PHF12: variants seen among roughly 807,000 people sequenced by gnomAD.
The protein encoded by PHF12 is PHD factor 1.
In PHF12, 6 loss-of-function variants were observed where a neutral mutation model predicts 99.8. The ratio of observed to expected loss-of-function variants is 0.06; its 90% CI spans 0.03 to 0.12. The LOEUF (loss-of-function observed/expected upper bound fraction) is 0.12, where lower values mean the gene tolerates loss of function less well. Among genes scored for constraint, PHF12 ranks in the 10% least tolerant of loss-of-function variants. The pLI, the probability that PHF12 is intolerant of heterozygous loss-of-function variation, is 1.00. For missense variants in PHF12, 954 were observed against 1,300.1 expected (o/e 0.73, Z 4.09); for synonymous variants, 480 against 514.9 (o/e 0.93, Z 0.92).
Position 28,931,256 on chromosome 17 carries a change from C to CTT in PHF12, c.249-4195_249-4194dup, listed in dbSNP as rs34710675. 2.7e-3 allele frequency among the ~76,000 whole-genome samples: 348 copies of CTT among 127,524 alleles called. 1 individual carries two copies. Among genetic ancestry groups the CTT allele is most frequent in the African/African-American group, 9.3e-3 (326 of 34,946 alleles). The allele number at this position is 127,524 out of a possible 152,430, so 83.7% of individuals were successfully genotyped here. A position where few individuals can be genotyped will look rare whatever the true frequency, so the allele number is the denominator to read the frequency against. ...ATTTAAAAGACTGAGGCCATCATTC[C>CTT]TTTTTTTTTTTTTTTTTGAGACGGA... On this transcript the variant is annotated intron_variant, in intron 2 of 14. Transcript: ENST00000332830.
intron 4 of PHF12, among the ~76,000 whole-genome samples, chr17:28,922,340 T>C (rs1025418697): frequency 3.3e-5 from 5 of 152,164 alleles, no homozygotes; most frequent in African/African-American, 1.2e-4. Flanking sequence ...GCAATCCTCC[T>C]GCCTTGATCT....
At chr17:28,932,526 G>A (rs2040431929) in intron 2 of PHF12, among the ~76,000 whole-genome samples, 1 of 152,172 alleles carries the variant, frequency 6.6e-6, no homozygotes, top group Admixed American at 6.5e-5. Context: ...TCTGAAAGAG[G>A]CTGTTTTGCT....
chr17:28,948,561 C>T (rs1312114295), intron 2 of PHF12, among the ~76,000 whole-genome samples: 1 of 152,216 alleles, frequency 6.6e-6, no homozygotes, highest in Non-Finnish European at 1.5e-5. Context: ...GCAAAAGTAT[C>T]TTGGGAATGG....
At chr17:28,916,314 C>T (rs1366725100) in intron 7 of PHF12, among the ~76,000 whole-genome samples, 1 of 152,152 alleles carries the variant, frequency 6.6e-6, no homozygotes, top group Non-Finnish European at 1.5e-5. Context: ...CCTGCCTCAG[C>T]CTCCCGAGTA....
At chr17:28,931,889 G>T (rs2040416772) in intron 2 of PHF12, among the ~76,000 whole-genome samples, 1 of 151,910 alleles carries the variant, frequency 6.6e-6, no homozygotes, top group Non-Finnish European at 1.5e-5. Context: ...GCCAAGATTT[G>T]CTGCTTTCTT....
rs753213832 is a variant in PHF12, at chr17:28,912,880, C to T, written c.1691G>A (p.Arg564Gln). ...TAGTGGGGTGTTAGCGCCTGGAAGT[C>T]GCCGGGGGTCCGTGGAATCAGTAGG... ...SSPTDSTDPR[R>Q]LPGANTPLPG... The change falls in exon 9 of 15, where the codon CGA (arginine) becomes CAA (glutamine). Residue 564 changes from arginine to glutamine, a missense_variant. Physicochemically the swap from Arg to Gln is conservative, Grantham distance 43 (BLOSUM62 1). Transcript: ENST00000332830. 25 of 1,612,240 alleles carry T rather than the reference C, an allele frequency of 1.6e-5. No homozygotes were observed. The highest frequency in any genetic ancestry group is 1.6e-4 in the Middle Eastern group (1 of 6,078).
At chr17:28,930,687 A>C (rs2040383064) in intron 2 of PHF12, among the ~76,000 whole-genome samples, 1 of 152,052 alleles carries the variant, frequency 6.6e-6, no homozygotes, top group Non-Finnish European at 1.5e-5. Context: ...TCTTAACACA[A>C]GGTAAAATGC....
rs184238171 is a variant in PHF12, at chr17:28,919,917, C to G, written c.837-642G>C. Among the ~76,000 whole-genome samples the G allele has an allele frequency of 1.3e-4, 20 of 152,218 alleles. No homozygotes were observed. In the East Asian group the frequency reaches 3.5e-3, roughly 26 times the overall value. On this transcript the variant is annotated intron_variant, in intron 5 of 14. Coordinates refer to ENST00000332830, the MANE Select transcript of PHF12 (RefSeq NM_001033561.2). ...AGGGATGATCAATGCTCAGTACTCA[C>G]TAGGGGAAAACAGTGAACTCTGCTC...
chr17:28,907,033 G>A (rs1418563124), intron 13 of PHF12, 39 bp from the exon 14 acceptor site: 3 of 1,572,272 alleles, frequency 1.9e-6, no homozygotes, highest in Non-Finnish European at 1.7e-6. Context: ...GTGGTCTGCT[G>A]TGTGGGGCCT....
At chr17:28,921,854 T>A (rs2040172640) in intron 4 of PHF12, 46 bp from the exon 5 acceptor site, 1 of 1,608,714 alleles carries the variant, frequency 6.2e-7, no homozygotes, top group South Asian at 1.1e-5. Context: ...GCTTCAGAGT[T>A]CCTAGCCTGC....
At chr17:28,921,176 G>A (rs911024341) in intron 5 of PHF12, among the ~76,000 whole-genome samples, 8 of 150,204 alleles carry the variant, frequency 5.3e-5, no homozygotes, top group African/African-American at 2.0e-4. Flanking sequence ...GTGCCACAGC[G>A]CCCGGCCCCT....
intron 2 of PHF12, among the ~76,000 whole-genome samples, chr17:28,933,118 C>T (rs1175572962): frequency 1.3e-5 from 2 of 152,122 alleles, no homozygotes; most frequent in Admixed American, 6.5e-5. Context: ...AAGACAGGGT[C>T]CTGGAGGCCG....
rs35263191 is a variant in PHF12 at position 28,923,653 on chromosome 17, C to CAAAAAAAAAA, written c.715+246_715+255dup. On this transcript the variant is annotated intron_variant, in intron 4 of 14. Transcript: ENST00000332830. Reference sequence around the variant, plus strand: ...AGCCTGAGTGACAAAGTGAGACTCACAAAAAAAAAAAAAAAAAAAAAAGGA... The same window carrying CAAAAAAAAAA: ...AGCCTGAGTGACAAAGTGAGACTCACAAAAAAAAAAAAAAAAAAAAAAAAAAAAAAAAGGA... Among the ~76,000 whole-genome samples the CAAAAAAAAAA allele has an allele frequency of 2.6e-3, 113 of 43,482 alleles. 3 individuals carry two copies. Among genetic ancestry groups the CAAAAAAAAAA allele is most frequent in the East Asian group, 0.011 (13 of 1,190 alleles). 28.5% of individuals were successfully genotyped at this position (43,482 alleles called of 152,430 possible). A position where few individuals can be genotyped will look rare whatever the true frequency, so the allele number is the denominator to read the frequency against.
rs2040208974 is a variant in PHF12, at chr17:28,923,653, C to CCAAAAAAAAAAA, written c.715+255_715+256insTTTTTTTTTTTG. Reference sequence around the variant, plus strand: ...AGCCTGAGTGACAAAGTGAGACTCACAAAAAAAAAAAAAAAAAAAAAAGGA... The same window carrying CCAAAAAAAAAAA: ...AGCCTGAGTGACAAAGTGAGACTCACCAAAAAAAAAAAAAAAAAAAAAAAAAAAAAAAAAGGA... On this transcript the variant is annotated intron_variant, in intron 4 of 14. Transcript: ENST00000332830. 6.9e-5 allele frequency among the ~76,000 whole-genome samples: 3 copies of CCAAAAAAAAAAA among 43,488 alleles called. 1 individual carries two copies. The highest frequency in any genetic ancestry group is 2.4e-3 in the South Asian group (2 of 844). The allele number at this position is 43,488 out of a possible 152,430, so 28.5% of individuals were successfully genotyped here.
chr17:28,910,243 C>G lies in PHF12; in HGVS notation c.2342G>C (p.Gly781Ala). The change falls in exon 11 of 15, where the codon GGA becomes GCA. Residue 781 changes from glycine to alanine, a missense_variant. Transcript: ENST00000332830. The stretch of plus-strand genomic sequence containing the variant: ...ATGCGCACCTTCTATGTGGTGCCCT[C>G]CAGAAGCCAGCTGATGTGTCCCGAC... ...GSVGTHQLASGGHHIEVQRKE... is the reference protein window; with the variant it reads ...GSVGTHQLASAGHHIEVQRKE... The G allele has an allele frequency of 1.2e-6, 2 of 1,614,176 alleles. No homozygotes were observed. Among genetic ancestry groups the G allele is most frequent in the South Asian group, 2.2e-5 (2 of 91,086 alleles).
intron 2 of PHF12, among the ~76,000 whole-genome samples, chr17:28,933,029 C>T (rs192066667): frequency 2.6e-5 from 4 of 152,296 alleles, no homozygotes; most frequent in Non-Finnish European, 5.9e-5. Context: ...TACATGCACA[C>T]CAGAGTCTTT....
chr17:28,944,032 A>T (rs1321364378), intron 2 of PHF12, among the ~76,000 whole-genome samples: 3 of 152,244 alleles, frequency 2.0e-5, no homozygotes, highest in Non-Finnish European at 4.4e-5. Context: ...TCCTGGAGGC[A>T]TACTTGAACT....
At position 28,912,301 on chromosome 17, in the gene PHF12, T is replaced by C. The variant is rs982655678; in HGVS notation, c.2089+181A>G. The C allele has an allele frequency of 2.2e-5, 30 of 1,390,420 alleles. No individual in the cohort carries two copies. In the African/African-American group the frequency reaches 3.7e-4, roughly 17 times the overall value. The allele number at this position is 1,390,420 out of a possible 1,614,324, so 86.1% of individuals were successfully genotyped here. On this transcript the variant is annotated intron_variant, in intron 9 of 14. Coordinates refer to ENST00000332830, the MANE Select transcript of PHF12 (RefSeq NM_001033561.2). ...AGCTTTCAGAGCCTAAGCAGTCCCATTTATAAACGGGACAAGTTAACATGT... is the reference window on the plus strand; with the variant it reads ...AGCTTTCAGAGCCTAAGCAGTCCCACTTATAAACGGGACAAGTTAACATGT...
chr17:28,947,213 C>A (rs1233245187), intron 2 of PHF12, among the ~76,000 whole-genome samples: 2 of 151,592 alleles, frequency 1.3e-5, no homozygotes, highest in Non-Finnish European at 2.9e-5. Context: ...GAACTCCTGA[C>A]CTCGTGATCC....
Sources: gnomAD v4.1 joint callset for allele counts (sites outside exome capture counted in the v4.1 genomes callset) on GRCh38, gnomAD v4.1.1 for gene constraint, MANE v1.5 for transcripts, NCBI Gene and HGNC (gene_info 2026-07-23, HGNC 2026-07-21) for gene names.